The following IPO7 variants were observed in gnomAD, a reference collection of about 807,000 sequenced individuals.
IPO7 encodes importin 7.
IPO7 carries 13 observed loss-of-function variants against 136.4 expected under a neutral mutation model. That is an observed-to-expected ratio of 0.10 (90% CI 0.06 to 0.15). The LOEUF is 0.15. Ranked by LOEUF, IPO7 falls within the 10% of genes least tolerant of loss-of-function variation. The pLI, the probability that IPO7 is intolerant of heterozygous loss-of-function variation, is 1.00. For missense variants in IPO7, 857 were observed against 1,240.6 expected, an observed-to-expected ratio of 0.69 and a Z score of 4.65; for synonymous variants, 403 against 404.4, an observed-to-expected ratio of 1.00 and a Z score of 0.04.
chr11:9,401,679 T>C (rs756788557), intron 1 of IPO7, among the ~76,000 whole-genome samples: 1 of 152,230 alleles, frequency 6.6e-6, no homozygotes, highest in South Asian at 2.1e-4. Context: ...TTTAAAAATT[T>C]TAAAATGTGG....
chr11:9,385,153 C>G (rs1415963613), intron 1 of IPO7, among the ~76,000 whole-genome samples: 3 of 152,292 alleles, frequency 2.0e-5, no homozygotes, highest in Admixed American at 2.0e-4. Flanking sequence ...GGGTGGCTGG[C>G]CGACCTCTGG....
intron 20 of IPO7, among the ~76,000 whole-genome samples, chr11:9,436,870 T>A (rs11042351): frequency 0.014 from 176 of 12,698 alleles, no homozygotes; most frequent in East Asian, 0.032. Flanking sequence ...ATATATATAT[T>A]TTTTTTTTTT....
chr11:9,415,906 TA>T (rs2133743445), intron 5 of IPO7, among the ~76,000 whole-genome samples: 1 of 152,314 alleles, frequency 6.6e-6, no homozygotes, highest in South Asian at 2.1e-4. Context: ...TAATTACTTG[TA>T]AAACAGATTT....
Position 9,397,341 on chromosome 11 carries a change from A to AAAATATATAT in IPO7, c.85-5948_85-5947insAATATATATA. Reference sequence around the variant, plus strand: ...CTTTACTAAAAATAATTTAAAAAAAAATATATATATATATATATATATATT... The same window carrying AAAATATATAT: ...CTTTACTAAAAATAATTTAAAAAAAAAAATATATATATATATATATATATATATATATATT... On this transcript the variant is annotated intron_variant, in intron 1 of 24. Coordinates refer to ENST00000379719, the MANE Select transcript of IPO7 (RefSeq NM_006391.3). 2.0e-3 allele frequency among the ~76,000 whole-genome samples: 22 copies of AAAATATATAT among 10,762 alleles called. 2 individuals are homozygous for AAAATATATAT. Among genetic ancestry groups the AAAATATATAT allele is most frequent in the South Asian group, 6.6e-3 (1 of 152 alleles). 7.1% of individuals were successfully genotyped at this position (10,762 alleles called of 152,430 possible).
Position 9,447,514 on chromosome 11 carries a change from C to T in IPO7, c.*2320C>T, listed in dbSNP as rs1223552336. 6.6e-6 allele frequency: 1 copy of T among 152,138 alleles called. No individual in the cohort carries two copies. The highest frequency in any genetic ancestry group is 2.4e-5 in the African/African-American group (1 of 41,432). 9.4% of individuals were successfully genotyped at this position (152,138 alleles called of 1,614,324 possible). On this transcript the variant is annotated 3_prime_UTR_variant, in exon 25 of 25. Transcript: ENST00000379719. ...CAAGAATCTTAACATGTATCAGTTT[C>T]TAGATGAGGCTGCAGGATTTTTGGA...
At chr11:9,393,627 C>T (rs1854667117) in intron 1 of IPO7, among the ~76,000 whole-genome samples, 1 of 152,148 alleles carries the variant, frequency 6.6e-6, no homozygotes, top group Non-Finnish European at 1.5e-5. Context: ...AGGTGATCCA[C>T]CCTCCTCGGC....
In IPO7 at chr11:9,447,562, A is replaced by G. The variant is rs915135850; in HGVS notation, c.*2368A>G. On this transcript the variant is annotated 3_prime_UTR_variant, in exon 25 of 25. Transcript: ENST00000379719. ...GGAAAACTTTTTGAATGTATTTACA[A>G]TATTCTCTTGTAATTAGCTACATAG... 2.6e-5 allele frequency: 4 copies of G among 152,182 alleles called. No individual in the cohort carries two copies. Among genetic ancestry groups the G allele is most frequent in the Admixed American group, 2.0e-4 (3 of 15,262 alleles). 9.4% of individuals were successfully genotyped at this position (152,182 alleles called of 1,614,324 possible). A position where few individuals can be genotyped will look rare whatever the true frequency, so the allele number is the denominator to read the frequency against.
rs937170483 is a variant in IPO7 at position 9,384,731 on chromosome 11, C to T, written c.-33C>T. ...GGCGCTATTCCTGGCCCAGTAGCACCCGAGCCCCGGGTTTGACCGAGTCCG... is the reference window on the plus strand; with the variant it reads ...GGCGCTATTCCTGGCCCAGTAGCACTCGAGCCCCGGGTTTGACCGAGTCCG... On this transcript the variant is annotated 5_prime_UTR_variant, in exon 1 of 25. Transcript: ENST00000379719. 1 of 1,551,292 alleles carries T rather than the reference C, an allele frequency of 6.4e-7. No individual in the cohort carries two copies.
intron 15 of IPO7, chr11:9,430,243 T>C: frequency 6.3e-6 from 1 of 158,810 alleles, no homozygotes; most frequent in Non-Finnish European, 1.4e-5. Flanking sequence ...CAGACATTAC[T>C]GTGTAGCACG....
At position 9,446,652 on chromosome 11, in the gene IPO7, A is replaced by C. The variant is rs189157722; in HGVS notation, c.*1458A>C. 49 of 152,348 alleles carry C rather than the reference A, an allele frequency of 3.2e-4. 1 individual carries two copies. Among genetic ancestry groups the C allele is most frequent in the African/African-American group, 1.1e-3 (44 of 41,586 alleles). 9.4% of individuals were successfully genotyped at this position (152,348 alleles called of 1,614,324 possible). A position where few individuals can be genotyped will look rare whatever the true frequency, so the allele number is the denominator to read the frequency against. On this transcript the variant is annotated 3_prime_UTR_variant, in exon 25 of 25. Transcript: ENST00000379719. ...TTGAAAGCAACATCTTAATGGATTCAAAACTATTACAAGCTGTTGTCTAAA... is the reference window on the plus strand; with the variant it reads ...TTGAAAGCAACATCTTAATGGATTCCAAACTATTACAAGCTGTTGTCTAAA...
chr11:9,407,061 A>G (rs1854899011), intron 2 of IPO7, among the ~76,000 whole-genome samples: 1 of 152,174 alleles, frequency 6.6e-6, no homozygotes, highest in East Asian at 1.9e-4. Context: ...TTGTTGGGGC[A>G]AAAAATGTTT....
Position 9,436,309 on chromosome 11 carries a change from T to C in IPO7, c.2211T>C (p.His737=). ...TGVAGEDAEC[H]AAKLLEVIIL... is the part of the protein sequence containing the mutation. ...TTGCAGGAGAAGATGCAGAGTGTCA[T>C]GCAGCAAAATTGTTAGAGGTCATCA... is the stretch of plus-strand genomic sequence containing the variant. The change falls in exon 20 of 25, where the codon CAT becomes CAC. Residue 737 remains histidine (H), a synonymous_variant. Transcript: ENST00000379719. 2 of 1,614,046 alleles carry C rather than the reference T, an allele frequency of 1.2e-6. No individual in the cohort carries two copies. Among genetic ancestry groups the C allele is most frequent in the Non-Finnish European group, 1.7e-6 (2 of 1,179,912 alleles).
chr11:9,442,124 C>T lies in IPO7; in HGVS notation c.2946C>T (p.His982=), dbSNP rs768264938. 91 of 1,607,518 alleles carry T rather than the reference C, an allele frequency of 5.7e-5. 1 individual carries two copies. In the South Asian group the frequency reaches 7.3e-4, roughly 13 times the overall value. Residue 982 remains histidine, a synonymous_variant, in exon 24 of 25, where the codon CAC becomes CAT. Transcript: ENST00000379719. Reference sequence around the variant, plus strand: ...CTGTGTGGTATCAGGCACTGACTCACGGTCTTAATGAAGAACAAAGAAAAC... The same window carrying T: ...CTGTGTGGTATCAGGCACTGACTCATGGTCTTAATGAAGAACAAAGAAAAC... The part of the protein sequence containing the change: ...RNPVWYQALT[H]GLNEEQRKQL...
intron 2 of IPO7, 196 bp downstream of exon 2, chr11:9,403,567 T>C (rs1050212545): frequency 1.9e-6 from 1 of 515,498 alleles, no homozygotes; most frequent in Non-Finnish European, 3.4e-6. Context: ...TGACATTTAG[T>C]TGAATTAAAA....
At chr11:9,440,972 CTT>C (rs1855453162) in intron 23 of IPO7, among the ~76,000 whole-genome samples, 1 of 152,196 alleles carries the variant, frequency 6.6e-6, no homozygotes, top group South Asian at 2.1e-4. Flanking sequence ...AGTAACCACT[CTT>C]ACGTGTATAC....
chr11:9,395,720 G>A (rs1854698299), intron 1 of IPO7, among the ~76,000 whole-genome samples: 1 of 151,866 alleles, frequency 6.6e-6, no homozygotes, highest in Admixed American at 6.6e-5. Flanking sequence ...AAGTTATAAA[G>A]TTATGCTTTT....
intron 18 of IPO7, among the ~76,000 whole-genome samples, 185 bp downstream of exon 18, chr11:9,434,031 C>G (rs1020519887): frequency 1.3e-5 from 2 of 150,342 alleles, no homozygotes; most frequent in African/African-American, 2.5e-5. Context: ...TCAAGTGATT[C>G]TCCTGCCTCA....
chr11:9,395,794 G>T (rs1170144969), intron 1 of IPO7, among the ~76,000 whole-genome samples: 1 of 152,032 alleles, frequency 6.6e-6, no homozygotes, highest in South Asian at 2.1e-4. Flanking sequence ...TCGGCTCACT[G>T]CAACCTCTGC....
At position 9,420,541 on chromosome 11, in the gene IPO7, T is replaced by A. The variant is rs368261806; in HGVS notation, c.821+36T>A. On this transcript the variant is annotated intron_variant, in intron 7 of 24. Coordinates refer to ENST00000379719, the MANE Select transcript of IPO7 (RefSeq NM_006391.3). The stretch of plus-strand genomic sequence containing the variant: ...CCATATATGGTGATTTAAATTAATT[T>A]ATTAAGGTTTTGCTTTAAAGTGCTA... 7.0e-6 allele frequency: 11 copies of A among 1,571,162 alleles called. No homozygotes were observed. In the African/African-American group the frequency reaches 1.5e-4, roughly 21 times the overall value.
Sources: gnomAD v4.1 joint callset for allele counts (sites outside exome capture counted in the v4.1 genomes callset) on GRCh38, gnomAD v4.1.1 for gene constraint, MANE v1.5 for transcripts, NCBI Gene and HGNC (gene_info 2026-07-23, HGNC 2026-07-21) for gene names.